PTPN3: variants seen among roughly 807,000 people sequenced by gnomAD.
PTPN3 encodes tyrosine-protein phosphatase non-receptor type 3.
Under a neutral mutation model 132.7 loss-of-function variants are expected in PTPN3, and 96 were observed. That is an observed-to-expected ratio of 0.72 (90% CI 0.61 to 0.86). PTPN3 has a LOEUF of 0.86. PTPN3 is among the 40% of genes least tolerant of loss of function. The probability of loss-of-function intolerance (pLI) is 0.00; values close to 1 mark genes in which losing one functional copy is unlikely to be tolerated. For synonymous variants in PTPN3, 398 were observed against 429.0 expected (o/e 0.93, Z 0.89); for missense variants, 1,125 against 1,159.6 (o/e 0.97, Z 0.43).
At chr9:109,488,405 T>C (rs548878254) in intron 1 of PTPN3, among the ~76,000 whole-genome samples, 1 of 152,214 alleles carries the variant, frequency 6.6e-6, no homozygotes, top group South Asian at 2.1e-4. Flanking sequence ...AGGCTGAAAG[T>C]ACATTTTTAA....
chr9:109,534,632 C>CAAAAAAAAAAAA, the PTPN3 span, among the ~76,000 whole-genome samples: 80 of 108,672 alleles, frequency 7.4e-4, no homozygotes, highest in South Asian at 1.5e-3. Flanking sequence ...CAAAAAAATA[C>CAAAAAAAAAAAA]AAAAAAAAAA....
At chr9:109,389,994 G>A (rs1443181198) in intron 21 of PTPN3, among the ~76,000 whole-genome samples, 3 of 152,196 alleles carry the variant, frequency 2.0e-5, no homozygotes, top group Admixed American at 6.5e-5. Flanking sequence ...AGAACCTGCT[G>A]AGCTTTGGGC....
In PTPN3 at chr9:109,498,252, G is replaced by A. The variant is rs928643851; in HGVS notation, c.-51C>T. 7 of 146,518 alleles carry A rather than the reference G, an allele frequency of 4.8e-5. No individual in the cohort carries two copies. The highest frequency in any genetic ancestry group is 1.1e-4 in the Non-Finnish European group (7 of 65,904). 9.1% of individuals were successfully genotyped at this position (146,518 alleles called of 1,614,324 possible). A position where few individuals can be genotyped will look rare whatever the true frequency, so the allele number is the denominator to read the frequency against. On this transcript the variant is annotated 5_prime_UTR_variant, in exon 1 of 26. Coordinates refer to ENST00000374541, the MANE Select transcript of PTPN3 (RefSeq NM_002829.4). The surrounding 1 kb of genome is among the most constrained non-coding windows in gnomAD (Gnocchi z 4.2). ...TCCGGGGGCGCGGAGCGCCCAGGTA[G>A]GTCGCGCGTGCGGGCGGCGCGGAAG...
intron 6 of PTPN3, among the ~76,000 whole-genome samples, chr9:109,447,740 C>T (rs947505550): frequency 1.3e-5 from 2 of 152,158 alleles, no homozygotes; most frequent in Non-Finnish European, 2.9e-5. Context: ...CAGACTGAAC[C>T]GCCCCTGGCC....
At chr9:109,508,413 G>A in the PTPN3 span, among the ~76,000 whole-genome samples, 1 of 152,134 alleles carries the variant, frequency 6.6e-6, no homozygotes, top group African/African-American at 2.4e-5. Flanking sequence ...GCCTGCCTCG[G>A]CCTCCCAAAG....
intron 22 of PTPN3, among the ~76,000 whole-genome samples, chr9:109,385,319 C>A (rs1447950549): frequency 2.0e-5 from 3 of 152,172 alleles, no homozygotes; most frequent in African/African-American, 7.2e-5. Context: ...TGATCTCGGG[C>A]AAATTACTTA....
rs751216660 is a variant in PTPN3 at position 109,438,264 on chromosome 9, A to G, written c.467-30T>C. The G allele has an allele frequency of 4.4e-6, 7 of 1,596,940 alleles. No individual in the cohort carries two copies. In the South Asian group the frequency reaches 7.9e-5, roughly 18 times the overall value. ...CAAGACAGAAGAAGGGGAAAATCAT[A>G]ATTAGTTTTGCCTTTTTAATATGGT... On this transcript the variant is annotated intron_variant, in intron 7 of 25. Coordinates refer to ENST00000374541, the MANE Select transcript of PTPN3 (RefSeq NM_002829.4).
At chr9:109,427,575 G>C (rs780032037) in intron 11 of PTPN3, among the ~76,000 whole-genome samples, 2 of 152,192 alleles carry the variant, frequency 1.3e-5, no homozygotes, top group Non-Finnish European at 2.9e-5. Context: ...GTTGAATCCA[G>C]TGCTCATATG....
intron 2 of PTPN3, among the ~76,000 whole-genome samples, chr9:109,460,231 C>T (rs371291770): frequency 1.7e-4 from 26 of 152,154 alleles, no homozygotes; most frequent in Non-Finnish European, 7.4e-5. Context: ...CCTGTTCTTT[C>T]GCATTCCAAA....
At chr9:109,390,683 A>G (rs1391410784) in intron 21 of PTPN3, among the ~76,000 whole-genome samples, 3 of 152,220 alleles carry the variant, frequency 2.0e-5, no homozygotes, top group South Asian at 2.1e-4. Flanking sequence ...TAGAGAGAAA[A>G]TAAGTGCTTT....
At chr9:109,483,884 T>A (rs1588500018) in intron 1 of PTPN3, among the ~76,000 whole-genome samples, 1 of 152,182 alleles carries the variant, frequency 6.6e-6, no homozygotes, top group Admixed American at 6.5e-5. Context: ...TCTGGATGAA[T>A]GCCGCTCAAA....
Position 109,378,534 on chromosome 9 carries a change from A to G in PTPN3, c.*1022T>C, listed in dbSNP as rs1838762097. On this transcript the variant is annotated 3_prime_UTR_variant, in exon 26 of 26. Transcript: ENST00000374541. ...ATTTGAATCGTTAGGAATCCTGAGA[A>G]ACACTCACCCCTGGGCACACACATG... is the stretch of plus-strand genomic sequence containing the variant. The G allele has an allele frequency of 6.6e-6, 1 of 152,626 alleles. No individual in the cohort carries two copies. The highest frequency in any genetic ancestry group is 2.4e-5 in the African/African-American group (1 of 41,438). The allele number at this position is 152,626 out of a possible 1,614,324, so 9.5% of individuals were successfully genotyped here. A position where few individuals can be genotyped will look rare whatever the true frequency, so the allele number is the denominator to read the frequency against.
At chr9:109,387,640 A>G (rs540916498) in intron 22 of PTPN3, among the ~76,000 whole-genome samples, 1 of 152,176 alleles carries the variant, frequency 6.6e-6, no homozygotes, top group Non-Finnish European at 1.5e-5. Flanking sequence ...TGATGAGGCA[A>G]CTGAGGCTTA....
chr9:109,531,371 A>G, the PTPN3 span, among the ~76,000 whole-genome samples: 9 of 152,332 alleles, frequency 5.9e-5, no homozygotes, highest in African/African-American at 1.9e-4. Flanking sequence ...GACAAGCTGG[A>G]CTAAGGTCAG....
chr9:109,389,409 C>G, intron 21 of PTPN3, 30 bp from the exon 22 acceptor site: 1 of 1,602,002 alleles, frequency 6.2e-7, no homozygotes, highest in South Asian at 1.1e-5. Flanking sequence ...GTATTAGAAT[C>G]TGTTGCTGCC....
chr9:109,450,654 A>T, intron 5 of PTPN3: 1 of 985,250 alleles, frequency 1.0e-6, no homozygotes, highest in Non-Finnish European at 1.2e-6. Context: ...CCAGTATATA[A>T]AATTCTGCAA....
chr9:109,474,570 C>T (rs373107526), intron 1 of PTPN3, among the ~76,000 whole-genome samples: 4 of 151,990 alleles, frequency 2.6e-5, no homozygotes, highest in African/African-American at 9.7e-5. Context: ...GGGGTATTGG[C>T]CAGGGAGAAG....
intron 14 of PTPN3, among the ~76,000 whole-genome samples, chr9:109,418,358 C>A (rs906551672): frequency 6.6e-6 from 1 of 152,188 alleles, no homozygotes; most frequent in Non-Finnish European, 1.5e-5. Flanking sequence ...CAGAATGCAT[C>A]CCTCCCCACC....
chr9:109,418,648 T>A lies in PTPN3; in HGVS notation c.1313+1776A>T, dbSNP rs574080570. Among the ~76,000 whole-genome samples, 6 of 152,352 alleles carry A rather than the reference T, an allele frequency of 3.9e-5. No individual in the cohort carries two copies. In the South Asian group the frequency reaches 1.2e-3, roughly 32 times the overall value. The stretch of plus-strand genomic sequence containing the variant: ...ACAACACTTTCTGCAGTGATGGGAA[T>A]GGGCTGTATCTGTGCTGTCCAAGAT... On this transcript the variant is annotated intron_variant, in intron 14 of 25. Transcript: ENST00000374541.
Sources: gnomAD v4.1 joint callset for allele counts (sites outside exome capture counted in the v4.1 genomes callset) on GRCh38, gnomAD v4.1.1 for gene constraint, Gnocchi (gnomAD v3.1) non-coding constraint, MANE v1.5 for transcripts, NCBI Gene and HGNC (gene_info 2026-07-23, HGNC 2026-07-21) for gene names.